Variants in HDAC9 observed in about 807,000 individuals in gnomAD.
The protein encoded by HDAC9 is histone deacetylase 9, also known as MEF-2 interacting transcription repressor (MITR) protein.
Under a neutral mutation model 139.4 loss-of-function variants are expected in HDAC9, and 41 were observed. The observed-to-expected ratio is 0.29, with a 90% CI of 0.23 to 0.38. HDAC9 has a LOEUF of 0.38. Among genes scored for constraint, HDAC9 ranks in the 10% least tolerant of loss-of-function variants. HDAC9 has a pLI of 1.00. For missense variants in HDAC9, 1,147 were observed against 1,297.0 expected, an observed-to-expected ratio of 0.88 and a Z score of 1.78; for synonymous variants, 517 against 476.2, an observed-to-expected ratio of 1.09 and a Z score of -1.12.
At chr7:18,745,703 C>T (rs1465673838) in intron 13 of HDAC9, among the ~76,000 whole-genome samples, 1 of 150,842 alleles carries the variant, frequency 6.6e-6, no homozygotes, top group Admixed American at 6.6e-5. Context: ...CCCGCCACCA[C>T]GCCTGGCTAA....
chr7:18,948,290 G>A (rs1257592297), intron 23 of HDAC9, among the ~76,000 whole-genome samples: 1 of 151,936 alleles, frequency 6.6e-6, no homozygotes, highest in African/African-American at 2.4e-5. Flanking sequence ...ATTTACAGAT[G>A]ATTTGTAATT....
chr7:18,931,389 T>C (rs933663876), intron 22 of HDAC9, among the ~76,000 whole-genome samples: 2 of 152,216 alleles, frequency 1.3e-5, no homozygotes, highest in Admixed American at 6.5e-5. Flanking sequence ...TCCATAGGAA[T>C]TGAGAAAAAC....
chr7:18,562,795 G>A (rs1261985170), intron 2 of HDAC9, among the ~76,000 whole-genome samples: 1 of 152,022 alleles, frequency 6.6e-6, no homozygotes, highest in East Asian at 1.9e-4. Flanking sequence ...AAAAAAGATG[G>A]AATTTTGGTA....
intron 5 of HDAC9, among the ~76,000 whole-genome samples, chr7:18,592,057 G>A (rs2695027): frequency 0.33 from 50,231 of 152,000 alleles, 9,456 homozygotes; most frequent in East Asian, 0.69. Context: ...TTAGCAGATT[G>A]TGATTTTATT....
intron 2 of HDAC9, among the ~76,000 whole-genome samples, chr7:18,278,390 A>T (rs1796884197): frequency 6.6e-6 from 1 of 152,252 alleles, no homozygotes; most frequent in Admixed American, 6.5e-5. Context: ...ATAATGGAAG[A>T]ACATGGTAGA....
intron 12 of HDAC9, chr7:18,668,984 T>A: frequency 1.5e-6 from 1 of 679,388 alleles, no homozygotes; most frequent in Non-Finnish European, 1.8e-6. Flanking sequence ...CAGTTACATC[T>A]AATACCATTA....
chr7:18,132,736 G>T (rs1785098115), intron 1 of HDAC9, among the ~76,000 whole-genome samples: 1 of 152,106 alleles, frequency 6.6e-6, no homozygotes, highest in Non-Finnish European at 1.5e-5. Context: ...GAGTTCTTTG[G>T]ACCTGTGAGG....
chr7:18,213,159 CAAAG>C (rs1042351385), intron 2 of HDAC9, among the ~76,000 whole-genome samples: 1 of 152,094 alleles, frequency 6.6e-6, no homozygotes, highest in Admixed American at 6.6e-5. Context: ...TAGGGCAAGA[CAAAG>C]AATACTTTTG....
chr7:18,301,764 C>T (rs1208934345), intron 1 of HDAC9, among the ~76,000 whole-genome samples: 1 of 152,134 alleles, frequency 6.6e-6, no homozygotes, highest in East Asian at 1.9e-4. Context: ...ATTTCTCCCA[C>T]CAGACACTCA....
intron 12 of HDAC9, among the ~76,000 whole-genome samples, chr7:18,684,190 G>A (rs1274638967): frequency 2.0e-5 from 3 of 151,582 alleles, no homozygotes; most frequent in Non-Finnish European, 4.4e-5. Context: ...CCTGGAGGCG[G>A]AGATTGCAGT....
At chr7:18,347,368 C>G (rs1782496265) in intron 1 of HDAC9, among the ~76,000 whole-genome samples, 1 of 152,170 alleles carries the variant, frequency 6.6e-6, no homozygotes, top group South Asian at 2.1e-4. Flanking sequence ...CCCATTATGA[C>G]TCCCTGGGGA....
At chr7:18,138,162 C>T (rs1429499606) in intron 1 of HDAC9, among the ~76,000 whole-genome samples, 1 of 152,122 alleles carries the variant, frequency 6.6e-6, no homozygotes, top group Non-Finnish European at 1.5e-5. Flanking sequence ...TCCCCTTTAT[C>T]ATTTTTTATT....
intron 6 of HDAC9, among the ~76,000 whole-genome samples, chr7:18,626,734 T>A (rs1348542427): frequency 1.3e-5 from 2 of 152,220 alleles, no homozygotes; most frequent in African/African-American, 4.8e-5. Flanking sequence ...TCTGGCTGAT[T>A]CTCAAGTAGA....
At chr7:18,702,485 T>C (rs1783571465) in intron 12 of HDAC9, among the ~76,000 whole-genome samples, 1 of 152,216 alleles carries the variant, frequency 6.6e-6, no homozygotes, top group Non-Finnish European at 1.5e-5. Context: ...ACCATTTCTG[T>C]GACTTTAATT....
chr7:18,983,261 G>A (rs553296334), intron 25 of HDAC9, among the ~76,000 whole-genome samples: 1 of 152,102 alleles, frequency 6.6e-6, no homozygotes, highest in African/African-American at 2.4e-5. Flanking sequence ...TTCTCCATGT[G>A]GTAACATATG....
chr7:18,932,288 C>A (rs1407414078), intron 22 of HDAC9, among the ~76,000 whole-genome samples: 2 of 152,058 alleles, frequency 1.3e-5, no homozygotes, highest in Non-Finnish European at 2.9e-5. Flanking sequence ...GCAATTGCCC[C>A]TGAAATTGGA....
At chr7:18,770,650 A>G (rs190898760) in intron 16 of HDAC9, among the ~76,000 whole-genome samples, 69 of 152,264 alleles carry the variant, frequency 4.5e-4, no homozygotes, top group African/African-American at 1.6e-3. Context: ...ATAACTTGGA[A>G]CTGAATCGAC....
intron 1 of HDAC9, among the ~76,000 whole-genome samples, chr7:18,122,293 A>G (rs1051418086): frequency 6.6e-6 from 1 of 152,152 alleles, no homozygotes; most frequent in Non-Finnish European, 1.5e-5. Flanking sequence ...TGGATATGTT[A>G]TATGAGGGCA....
At chr7:18,388,169 C>T (rs1454275927) in intron 1 of HDAC9, among the ~76,000 whole-genome samples, 2 of 152,112 alleles carry the variant, frequency 1.3e-5, no homozygotes, top group Non-Finnish European at 2.9e-5. Flanking sequence ...TAAAAAACAC[C>T]CTGCTATATT....
Sources: gnomAD v4.1 joint callset for allele counts (sites outside exome capture counted in the v4.1 genomes callset) on GRCh38, gnomAD v4.1.1 for gene constraint, MANE v1.5 for transcripts, NCBI Gene and HGNC (gene_info 2026-07-23, HGNC 2026-07-21) for gene names.